The following LMF1 variants were observed in gnomAD, a reference collection of about 807,000 sequenced individuals.
LMF1 encodes the protein lipase maturation factor 1.
Under a neutral mutation model 60.6 loss-of-function variants are expected in LMF1, and 68 were observed. The ratio of observed to expected loss-of-function variants is 1.12; its 90% CI spans 0.92 to 1.37. The LOEUF (loss-of-function observed/expected upper bound fraction) is 1.37, where lower values mean the gene tolerates loss of function less well. Ranked by LOEUF, LMF1 falls within the 40% of genes most tolerant of loss-of-function variation. The probability of loss-of-function intolerance (pLI) is 0.00; values close to 1 mark genes in which losing one functional copy is unlikely to be tolerated. For missense variants in LMF1, 948 were observed against 767.2 expected, an observed-to-expected ratio of 1.24 and a Z score of -2.78; for synonymous variants, 418 against 324.7, an observed-to-expected ratio of 1.29 and a Z score of -3.09.
intron 2 of LMF1, 53 bp from the exon 3 acceptor site, chr16:934,307 A>G: frequency 6.3e-7 from 1 of 1,596,596 alleles, no homozygotes; most frequent in Non-Finnish European, 8.5e-7. Flanking sequence ...TTTCAACCAA[A>G]AACCCACTGT....
chr16:977,416 C>T (rs2073179690), intron 1 of LMF1, among the ~76,000 whole-genome samples: 1 of 152,184 alleles, frequency 6.6e-6, no homozygotes, highest in Admixed American at 6.5e-5. Context: ...AGCCTCTGCT[C>T]ACAGCCTGCG....
At chr16:914,724 A>C (rs1596983989) in intron 3 of LMF1, among the ~76,000 whole-genome samples, 1 of 1,192 alleles carries the variant, frequency 8.4e-4, no homozygotes, top group Non-Finnish European at 1.8e-3. Context: ...CATTGGTGAC[A>C]CTCTCCCTCC....
chr16:929,404 C>G (rs1376329587), intron 3 of LMF1, among the ~76,000 whole-genome samples: 1 of 152,214 alleles, frequency 6.6e-6, no homozygotes, highest in African/African-American at 2.4e-5. Flanking sequence ...AACTGGGGGT[C>G]AGGCCCACAC....
intron 5 of LMF1, chr16:883,892 GATC>G (rs1336232500): frequency 1.3e-5 from 2 of 152,166 alleles, no homozygotes; most frequent in Non-Finnish European, 2.9e-5. Context: ...ATGTTAATTA[GATC>G]ATGTTGGTTA....
At chr16:906,468 C>T (rs370162323) in intron 4 of LMF1, among the ~76,000 whole-genome samples, 70 of 152,270 alleles carry the variant, frequency 4.6e-4, no homozygotes, top group African/African-American at 1.6e-3. Flanking sequence ...CCTCCCAGCC[C>T]GCATCTTTCT....
chr16:864,874 C>T (rs967358863), intron 10 of LMF1, among the ~76,000 whole-genome samples: 2 of 152,126 alleles, frequency 1.3e-5, no homozygotes, highest in Non-Finnish European at 2.9e-5. Context: ...ACACCTGCCT[C>T]AGCTCCCAAA....
chr16:860,423 T>C (rs2069426323), intron 10 of LMF1, among the ~76,000 whole-genome samples: 1 of 151,596 alleles, frequency 6.6e-6, no homozygotes, highest in East Asian at 1.9e-4. Flanking sequence ...CACTGCAACC[T>C]CTGCCTCCCA....
chr16:930,688 G>A (rs755673142), intron 3 of LMF1, among the ~76,000 whole-genome samples: 6 of 152,232 alleles, frequency 3.9e-5, no homozygotes, highest in Non-Finnish European at 8.8e-5. Flanking sequence ...ATTTTCAGGC[G>A]GGTCCCGCTC....
At chr16:944,119 G>A (rs796852729) in intron 2 of LMF1, among the ~76,000 whole-genome samples, 18 of 152,240 alleles carry the variant, frequency 1.2e-4, no homozygotes, top group Admixed American at 3.3e-4. Flanking sequence ...TGGCCTTTCT[G>A]GGGGCATGCG....
intron 5 of LMF1, among the ~76,000 whole-genome samples, chr16:890,718 C>T (rs2070457879): frequency 6.6e-6 from 1 of 152,248 alleles, no homozygotes; most frequent in African/African-American, 2.4e-5. Flanking sequence ...AGGACACAGT[C>T]GTTGGATTTG....
At chr16:953,180 C>T (rs1597065902) in intron 2 of LMF1, among the ~76,000 whole-genome samples, 3 of 123,304 alleles carry the variant, frequency 2.4e-5, no homozygotes, top group Admixed American at 2.3e-4. Context: ...CACACAGACA[C>T]CCCAAACCAG....
chr16:941,302 T>A (rs991317131), intron 2 of LMF1, among the ~76,000 whole-genome samples: 2 of 152,140 alleles, frequency 1.3e-5, no homozygotes, highest in Non-Finnish European at 1.5e-5. Flanking sequence ...CACTGCAACC[T>A]CTGCCTCCTG....
At chr16:958,076 C>A (rs1175346851) in intron 1 of LMF1, among the ~76,000 whole-genome samples, 1 of 152,194 alleles carries the variant, frequency 6.6e-6, no homozygotes, top group Non-Finnish European at 1.5e-5. Flanking sequence ...ACACTTCACA[C>A]CTTACACAAA....
chr16:966,141 G>A (rs2072917878), intron 1 of LMF1, among the ~76,000 whole-genome samples: 1 of 151,476 alleles, frequency 6.6e-6, no homozygotes, highest in Admixed American at 6.6e-5. Flanking sequence ...TGGGAAGGCA[G>A]AGGCCAGGTG....
chr16:871,272 AG>A lies in LMF1; in HGVS notation c.966del (p.Phe323LeufsTer17). ...NWLTMVPSLA[C>X]FDDATLGFLF... ...AAGAATCCCAGGGTGGCGTCATCAA[AG>A]CAGGCCAGGCTGGGCACCATAGTCA... On this transcript the variant is annotated frameshift_variant, in exon 7 of 11. Transcript: ENST00000262301. LOFTEE classifies it high-confidence loss of function. The A allele has an allele frequency of 5.6e-6, 9 of 1,612,580 alleles. No individual in the cohort carries two copies. Among genetic ancestry groups the A allele is most frequent in the Non-Finnish European group, 7.6e-6 (9 of 1,179,818 alleles).
intron 9 of LMF1, 31 bp from the exon 10 acceptor site, chr16:869,087 G>T: frequency 7.0e-7 from 1 of 1,429,798 alleles, no homozygotes; most frequent in Non-Finnish European, 9.9e-7. Context: ...GGAGACGGCT[G>T]TGCCACTCGC....
chr16:935,771 G>A (rs1377625279), intron 2 of LMF1, among the ~76,000 whole-genome samples: 2 of 152,204 alleles, frequency 1.3e-5, no homozygotes, highest in Admixed American at 6.5e-5. Context: ...GGTGTGGGAC[G>A]GCCCTCAGGG....
chr16:894,808 G>A lies in LMF1; in HGVS notation c.664-1736C>T, dbSNP rs139065826. On this transcript the variant is annotated intron_variant, in intron 4 of 10. Transcript: ENST00000262301. Reference sequence around the variant, plus strand: ...CCCATCAGCGAGTGCTCCCCTCCGTGGGCGTGCTGGGGTGTCGGGCCTGGC... The same window carrying A: ...CCCATCAGCGAGTGCTCCCCTCCGTAGGCGTGCTGGGGTGTCGGGCCTGGC... 4.0e-3 allele frequency among the ~76,000 whole-genome samples: 611 copies of A among 152,360 alleles called. 5 individuals are homozygous for A. Among genetic ancestry groups the A allele is most frequent in the African/African-American group, 0.014 (568 of 41,586 alleles).
At chr16:860,472 T>A (rs1438949423) in intron 10 of LMF1, among the ~76,000 whole-genome samples, 1 of 152,052 alleles carries the variant, frequency 6.6e-6, no homozygotes, top group Non-Finnish European at 1.5e-5. Flanking sequence ...CCCGAGTAGC[T>A]GGGACTACAG....
Sources: gnomAD v4.1 joint callset for allele counts (sites outside exome capture counted in the v4.1 genomes callset) on GRCh38, gnomAD v4.1.1 for gene constraint, MANE v1.5 for transcripts, NCBI Gene and HGNC (gene_info 2026-07-23, HGNC 2026-07-21) for gene names.